ATXN2: variants seen among roughly 807,000 people sequenced by gnomAD.
ATXN2 encodes the protein ataxin-2.
A neutral mutation model predicts 138.6 loss-of-function variants in ATXN2; 37 were observed. The observed-to-expected ratio is 0.27, with a 90% CI of 0.21 to 0.35. The LOEUF (loss-of-function observed/expected upper bound fraction) is 0.35. Ranked by LOEUF, ATXN2 falls within the 10% of genes least tolerant of loss-of-function variation. ATXN2 has a pLI of 1.00. For missense variants in ATXN2, 1,216 were observed against 1,480.3 expected, an observed-to-expected ratio of 0.82 and a Z score of 2.93; for synonymous variants, 549 against 543.7, an observed-to-expected ratio of 1.01 and a Z score of -0.13.
chr12:111,575,072 C>A (rs1257717722), intron 1 of ATXN2, among the ~76,000 whole-genome samples: 2 of 152,148 alleles, frequency 1.3e-5, no homozygotes, highest in Non-Finnish European at 2.9e-5. Flanking sequence ...TTCACTCAAT[C>A]CTGTTTCCCT....
chr12:111,579,420 G>A (rs1883861372), intron 1 of ATXN2, among the ~76,000 whole-genome samples: 1 of 152,088 alleles, frequency 6.6e-6, no homozygotes, highest in African/African-American at 2.4e-5. Flanking sequence ...GCGCCACCAC[G>A]CCTGGCTAAT....
intron 1 of ATXN2, among the ~76,000 whole-genome samples, chr12:111,591,193 G>C (rs935674731): frequency 6.6e-6 from 1 of 151,928 alleles, no homozygotes; most frequent in African/African-American, 2.4e-5. Flanking sequence ...CCGGCCGGTG[G>C]AACAGTTTCA....
Position 111,502,554 on chromosome 12 carries a change from C to T in ATXN2, c.1935+6995G>A, listed in dbSNP as rs116911064. On this transcript the variant is annotated intron_variant, in intron 14 of 24. Coordinates refer to ENST00000673436, the MANE Select transcript of ATXN2 (RefSeq NM_001372574.1). Reference sequence around the variant, plus strand: ...AAGCATTTCTCCTGCCTCAGTCTTGCGAGTAGCTGGGATTACAGGCACCTG... The same window carrying T: ...AAGCATTTCTCCTGCCTCAGTCTTGTGAGTAGCTGGGATTACAGGCACCTG... Among the ~76,000 whole-genome samples, 1,549 of 152,102 alleles carry T rather than the reference C, an allele frequency of 0.01. 93 individuals are homozygous for T. The South Asian group carries it at 0.15, about 15-fold the overall frequency.
At chr12:111,568,495 A>G (rs1883137843) in intron 1 of ATXN2, among the ~76,000 whole-genome samples, 1 of 152,170 alleles carries the variant, frequency 6.6e-6, no homozygotes, top group South Asian at 2.1e-4. Flanking sequence ...TATTTCATTG[A>G]TCCAGGTTTC....
intron 1 of ATXN2, among the ~76,000 whole-genome samples, chr12:111,566,764 G>A (rs566894713): frequency 6.6e-5 from 10 of 151,996 alleles, no homozygotes; most frequent in African/African-American, 2.4e-4. Flanking sequence ...AGTCTCCCAA[G>A]TAGCTGGGAT....
chr12:111,516,383 G>A lies in ATXN2; in HGVS notation c.1166-20C>T. On this transcript the variant is annotated intron_variant, in intron 9 of 24. Coordinates refer to ENST00000673436, the MANE Select transcript of ATXN2 (RefSeq NM_001372574.1). This position sits in a 1 kb window ranked among gnomAD's most constrained non-coding sequence, Gnocchi z 5.0. ...GAACACCTGACAGAACAAATGATATGAAGGAAAGTATAAAAACTAAAGAAA... is the reference window on the plus strand; with the variant it reads ...GAACACCTGACAGAACAAATGATATAAAGGAAAGTATAAAAACTAAAGAAA... 6.5e-7 allele frequency: 1 copy of A among 1,537,680 alleles called. No homozygotes were observed.
Position 111,453,753 on chromosome 12 carries a change from G to A in ATXN2, c.3363C>T (p.Ala1121=), listed in dbSNP as rs757713328. The change falls in exon 24 of 25, where the codon GCC becomes GCT. Residue 1121 remains alanine (A), a synonymous_variant. Transcript: ENST00000673436. This position sits in a 1 kb window ranked among gnomAD's most constrained non-coding sequence, Gnocchi z 5.4. ...MTTQPPGGPQ[A]ALAQSALQPI... ...GCTGTAGTGCACTTTGAGCGAGGGC[G>A]GCCTGGGGACCGCCGGGTGGCTGTG... 6.8e-6 allele frequency: 11 copies of A among 1,613,978 alleles called. No individual in the cohort carries two copies. The highest frequency in any genetic ancestry group is 2.7e-5 in the African/African-American group (2 of 74,946).
At chr12:111,486,711 ATTTTTC>A in intron 16 of ATXN2, 44 bp downstream of exon 16, 2 of 1,483,164 alleles carry the variant, frequency 1.3e-6, no homozygotes, top group Non-Finnish European at 1.9e-6. Context: ...ATTACTAATA[ATTTTTC>A]TTTTTTTGGG....
chr12:111,490,804 C>T (rs1207308980), intron 14 of ATXN2, among the ~76,000 whole-genome samples: 4 of 151,942 alleles, frequency 2.6e-5, no homozygotes, highest in South Asian at 2.1e-4. Flanking sequence ...TCTGTGTGCT[C>T]GGGGGAGAGA....
intron 18 of ATXN2, among the ~76,000 whole-genome samples, chr12:111,480,227 CAT>C (rs1877132083): frequency 6.6e-6 from 1 of 152,084 alleles, no homozygotes; most frequent in Non-Finnish European, 1.5e-5. Context: ...AAAATGTAAA[CAT>C]AAAAAGATGA....
At chr12:111,537,178 C>T (rs1016995038) in intron 5 of ATXN2, among the ~76,000 whole-genome samples, 2 of 151,994 alleles carry the variant, frequency 1.3e-5, no homozygotes, top group Non-Finnish European at 2.9e-5. Context: ...GATGAATAAA[C>T]AAAATGTAGT....
intron 5 of ATXN2, among the ~76,000 whole-genome samples, chr12:111,545,590 A>G (rs941839329): frequency 2.0e-5 from 3 of 151,996 alleles, no homozygotes; most frequent in African/African-American, 7.2e-5. Flanking sequence ...AAAAGAGAAC[A>G]AGGAGGTAAG....
intron 1 of ATXN2, among the ~76,000 whole-genome samples, chr12:111,556,613 C>T (rs1391707101): frequency 6.6e-6 from 1 of 151,822 alleles, no homozygotes; most frequent in Non-Finnish European, 1.5e-5. Context: ...GTCAGGAGTT[C>T]GAGACCATCC....
chr12:111,589,603 C>T (rs1475219581), intron 1 of ATXN2, among the ~76,000 whole-genome samples: 1 of 149,582 alleles, frequency 6.7e-6, no homozygotes, highest in Admixed American at 6.6e-5. Context: ...AAAACCCCAT[C>T]TCTACCAATA....
chr12:111,570,488 T>C (rs575185898), intron 1 of ATXN2, among the ~76,000 whole-genome samples: 10 of 152,352 alleles, frequency 6.6e-5, no homozygotes, highest in African/African-American at 2.4e-4. Context: ...TTCTTCCAAA[T>C]GTGTTTCCTT....
At chr12:111,531,930 G>A (rs1880859258) in intron 5 of ATXN2, among the ~76,000 whole-genome samples, 1 of 152,172 alleles carries the variant, frequency 6.6e-6, no homozygotes, top group South Asian at 2.1e-4. Context: ...ACAATGAAAT[G>A]CAGTTATCAA....
intron 1 of ATXN2, among the ~76,000 whole-genome samples, chr12:111,589,576 A>G (rs2135846893): frequency 6.6e-6 from 1 of 152,150 alleles, no homozygotes; most frequent in South Asian, 2.1e-4. Context: ...GTTCGAGACC[A>G]GCCTGGCCAA....
rs748384691 is a variant in ATXN2, at chr12:111,485,344, A to T, written c.2458-13T>A. Reference sequence around the variant, plus strand: ...TTGGGTATAAAGGCTTGAGAGAATTAAAAAAAAAATTAACATTAGGCACCT... The same window carrying T: ...TTGGGTATAAAGGCTTGAGAGAATTTAAAAAAAAATTAACATTAGGCACCT... On this transcript the variant is annotated splice_polypyrimidine_tract_variant and intron_variant, in intron 17 of 24. Coordinates refer to ENST00000673436, the MANE Select transcript of ATXN2 (RefSeq NM_001372574.1). 7.0e-5 allele frequency: 103 copies of T among 1,461,250 alleles called. No homozygotes were observed. The highest frequency in any genetic ancestry group is 9.2e-5 in the Non-Finnish European group (98 of 1,070,960). The allele number at this position is 1,461,250 out of a possible 1,614,324, so 90.5% of individuals were successfully genotyped here.
rs549950423 is a variant in ATXN2, at chr12:111,510,712, A to C, written c.1559-130T>G. Reference sequence around the variant, plus strand: ...TCTAGCCCTTACCCTTTATCCCATTACTGTTTTCTTTTCCAAAATGTTAGG... The same window carrying C: ...TCTAGCCCTTACCCTTTATCCCATTCCTGTTTTCTTTTCCAAAATGTTAGG... On this transcript the variant is annotated intron_variant, in intron 11 of 24. Coordinates refer to ENST00000673436, the MANE Select transcript of ATXN2 (RefSeq NM_001372574.1). 4.7e-5 allele frequency: 37 copies of C among 795,532 alleles called. No individual in the cohort carries two copies. In the Admixed American group the frequency reaches 6.2e-4, roughly 13 times the overall value. 49.3% of individuals were successfully genotyped at this position (795,532 alleles called of 1,614,324 possible).
Sources: gnomAD v4.1 joint callset for allele counts (sites outside exome capture counted in the v4.1 genomes callset) on GRCh38, gnomAD v4.1.1 for gene constraint, Gnocchi (gnomAD v3.1) non-coding constraint, MANE v1.5 for transcripts, NCBI Gene and HGNC (gene_info 2026-07-23, HGNC 2026-07-21) for gene names.